The following TDG variants were observed in gnomAD, a reference collection of about 807,000 sequenced individuals.
The protein encoded by TDG is G/T mismatch-specific thymine DNA glycosylase.
Under a neutral mutation model 46.1 loss-of-function variants are expected in TDG, and 23 were observed. The ratio of observed to expected loss-of-function variants is 0.50; its 90% CI spans 0.36 to 0.71. The LOEUF is 0.71. Among genes scored for constraint, TDG ranks in the 30% least tolerant of loss-of-function variants. TDG has a pLI of 0.00. For missense variants in TDG, 304 were observed against 486.7 expected, an observed-to-expected ratio of 0.62 and a Z score of 3.53; for synonymous variants, 115 against 161.3, an observed-to-expected ratio of 0.71 and a Z score of 2.18.
chr12:103,979,109 C>CTTTCTTTT lies in TDG; in HGVS notation c.167-719_167-718insCTTTTTTT, dbSNP rs571161901. ...GCCATTGTGTTTTTCTTTTTTCTTTCTTTTTTTTTTTTGGACAGAGTCTTG... is the reference window on the plus strand; with the variant it reads ...GCCATTGTGTTTTTCTTTTTTCTTTCTTTCTTTTTTTTTTTTTTTTGGACAGAGTCTTG... On this transcript the variant is annotated intron_variant, in intron 2 of 9. Transcript: ENST00000392872. Among the ~76,000 whole-genome samples the CTTTCTTTT allele has an allele frequency of 2.8e-4, 35 of 123,582 alleles. No homozygotes were observed. In the East Asian group the frequency reaches 6.5e-3, roughly 23 times the overall value. 81.1% of individuals were successfully genotyped at this position (123,582 alleles called of 152,430 possible).
chr12:103,966,470 G>A (rs1277092969), intron 1 of TDG, among the ~76,000 whole-genome samples: 4 of 152,188 alleles, frequency 2.6e-5, no homozygotes, highest in African/African-American at 7.2e-5. Context: ...TCATTTTAAA[G>A]TTGGTTGATT....
rs1457909496 is a variant in TDG at position 103,988,553 on chromosome 12, A to G, written c.*1463A>G. 1 of 152,670 alleles carries G rather than the reference A, an allele frequency of 6.6e-6. No individual in the cohort carries two copies. The highest frequency in any genetic ancestry group is 1.5e-5 in the Non-Finnish European group (1 of 67,998). The allele number at this position is 152,670 out of a possible 1,614,324, so 9.5% of individuals were successfully genotyped here. Reference sequence around the variant, plus strand: ...ATCAGGGATTAGGAGCAATTAAATTATTTTTTCACGGGACTGTGTAAAGCA... The same window carrying G: ...ATCAGGGATTAGGAGCAATTAAATTGTTTTTTCACGGGACTGTGTAAAGCA... On this transcript the variant is annotated 3_prime_UTR_variant, in exon 10 of 10. Coordinates refer to ENST00000392872, the MANE Select transcript of TDG (RefSeq NM_003211.6).
intron 1 of TDG, among the ~76,000 whole-genome samples, chr12:103,972,127 C>CTT: frequency 6.7e-6 from 1 of 148,224 alleles, no homozygotes; most frequent in African/African-American, 2.5e-5. Flanking sequence ...CAGAACCCCC[C>CTT]TTTTTTTTTT....
intron 2 of TDG, among the ~76,000 whole-genome samples, chr12:103,977,830 G>C (rs1430100626): frequency 6.6e-6 from 1 of 152,140 alleles, no homozygotes; most frequent in African/African-American, 2.4e-5. Context: ...TTGGAAGGCT[G>C]AGGCGGGTAG....
intron 1 of TDG, among the ~76,000 whole-genome samples, chr12:103,974,764 A>G (rs1460890319): frequency 3.3e-5 from 5 of 151,954 alleles, no homozygotes; most frequent in African/African-American, 1.2e-4. Flanking sequence ...AGGTCAGGAG[A>G]TTGAGACCAT....
chr12:103,966,875 T>G (rs1871059995), intron 1 of TDG, among the ~76,000 whole-genome samples: 1 of 152,200 alleles, frequency 6.6e-6, no homozygotes, highest in African/African-American at 2.4e-5. Flanking sequence ...TACAAGGGAC[T>G]TATATGGGCC....
rs1364675050 is a variant in TDG, at chr12:103,986,976, A to T, written c.1119A>T (p.Ser373=). 2 of 1,614,262 alleles carry T rather than the reference A, an allele frequency of 1.2e-6. No homozygotes were observed. The highest frequency in any genetic ancestry group is 1.7e-6 in the Non-Finnish European group (2 of 1,180,042). ...AGAGCGTGGAGTTAAGAGGAGAATC[A>T]GCTTTCAGTGGCATTCCTAATGGGC... ...LIESVELRGE[S]AFSGIPNGQW... The change falls in exon 10 of 10, where the codon TCA becomes TCT. Residue 373 remains serine, a synonymous_variant. Coordinates refer to ENST00000392872, the MANE Select transcript of TDG (RefSeq NM_003211.6).
At chr12:103,970,923 G>A (rs985714772) in intron 1 of TDG, among the ~76,000 whole-genome samples, 5 of 151,644 alleles carry the variant, frequency 3.3e-5, no homozygotes, top group African/African-American at 9.7e-5. Flanking sequence ...ACTGTGGATT[G>A]AAATTATTTG....
Position 103,983,415 on chromosome 12 carries a change from A to C in TDG, c.792+26A>C, listed in dbSNP as rs767240354. 6 of 1,495,262 alleles carry C rather than the reference A, an allele frequency of 4.0e-6. No homozygotes were observed. In the South Asian group the frequency reaches 6.4e-5, roughly 16 times the overall value. 92.6% of individuals were successfully genotyped at this position (1,495,262 alleles called of 1,614,324 possible). A position where few individuals can be genotyped will look rare whatever the true frequency, so the allele number is the denominator to read the frequency against. On this transcript the variant is annotated intron_variant, in intron 7 of 9. Transcript: ENST00000392872. ...GTAAGTCCCTAAAATTGAATTTGTAAATCAGCTAAATGTGAATTTTTTTCT... is the reference window on the plus strand; with the variant it reads ...GTAAGTCCCTAAAATTGAATTTGTACATCAGCTAAATGTGAATTTTTTTCT...
chr12:103,985,545 G>C (rs4135128), intron 8 of TDG, 58 bp from the exon 9 acceptor site: 140,106 of 1,534,176 alleles, frequency 0.091, 7,489 homozygotes, highest in East Asian at 0.21. Context: ...TCTGAATAAA[G>C]CTACTTTTAA....
chr12:103,966,864 A>G (rs1210901629), intron 1 of TDG, among the ~76,000 whole-genome samples: 1 of 152,242 alleles, frequency 6.6e-6, no homozygotes, highest in African/African-American at 2.4e-5. Flanking sequence ...AATTTAGGCA[A>G]TACAAGGGAC....
At position 103,966,079 on chromosome 12, in the gene TDG, C is replaced by CCGCCCCTCCCTTG; in HGVS notation, c.23+28_23+40dup. 6.4e-7 allele frequency: 1 copy of CCGCCCCTCCCTTG among 1,560,920 alleles called. No individual in the cohort carries two copies. Among genetic ancestry groups the CCGCCCCTCCCTTG allele is most frequent in the Non-Finnish European group, 8.7e-7 (1 of 1,152,736 alleles). On this transcript the variant is annotated intron_variant, in intron 1 of 9. Transcript: ENST00000392872. ...CGGGCAGGTAATACCGGGGCCAGCG[C>CCGCCCCTCCCTTG]CGCCCCTCCCTTGCGCCCCTCACTG...
At chr12:103,970,772 A>T (rs1014165182) in intron 1 of TDG, among the ~76,000 whole-genome samples, 4 of 152,044 alleles carry the variant, frequency 2.6e-5, no homozygotes, top group South Asian at 2.1e-4. Context: ...TTAAAAAAAT[A>T]AAAAAATAGC....
intron 4 of TDG, among the ~76,000 whole-genome samples, chr12:103,981,588 A>G (rs1871837911): frequency 6.6e-6 from 1 of 152,208 alleles, no homozygotes; most frequent in African/African-American, 2.4e-5. Context: ...CTATAGGCAT[A>G]GTAACGATAG....
chr12:103,977,120 AG>A, intron 2 of TDG, 60 bp downstream of exon 2: 1 of 1,564,570 alleles, frequency 6.4e-7, no homozygotes, highest in South Asian at 1.2e-5. Context: ...TATTTGAGAA[AG>A]GGTTTCATGG....
chr12:103,980,258 A>G, intron 3 of TDG, 186 bp downstream of exon 3: 1 of 721,072 alleles, frequency 1.4e-6, no homozygotes, highest in Non-Finnish European at 2.2e-6. Context: ...CTCCAAATTT[A>G]GACTGTCTGG....
chr12:103,985,549 C>CT, intron 8 of TDG, 54 bp from the exon 9 acceptor site: 1 of 1,544,670 alleles, frequency 6.5e-7, no homozygotes, highest in Non-Finnish European at 8.7e-7. Context: ...AATAAAGCTA[C>CT]TTTTAAAATT....
At chr12:103,982,430 C>T (rs1337156331) in intron 4 of TDG, among the ~76,000 whole-genome samples, 1 of 152,148 alleles carries the variant, frequency 6.6e-6, no homozygotes, top group Non-Finnish European at 1.5e-5. Context: ...TTTGCCTCAA[C>T]CCCCTGTGAA....
Position 103,971,599 on chromosome 12 carries a change from C to T in TDG, c.24-5319C>T, listed in dbSNP as rs187163238. Among the ~76,000 whole-genome samples the T allele has an allele frequency of 8.6e-5, 13 of 151,920 alleles. No individual in the cohort carries two copies. The East Asian group carries it at 1.4e-3, about 16-fold the overall frequency. The stretch of plus-strand genomic sequence containing the variant: ...AAACAACAGAAAAACAATCTATGAG[C>T]GCTGCAGTTCAACAGAAGGTAAGTG... On this transcript the variant is annotated intron_variant, in intron 1 of 9. Coordinates refer to ENST00000392872, the MANE Select transcript of TDG (RefSeq NM_003211.6).
Sources: allele counts gnomAD v4.1 joint callset (sites outside exome capture counted in the v4.1 genomes callset), GRCh38; gene constraint gnomAD v4.1.1; transcripts MANE v1.5; gene names NCBI Gene and HGNC (gene_info 2026-07-23, HGNC 2026-07-21).